ATP10B: variants seen among roughly 807,000 people sequenced by gnomAD.
ATP10B encodes the protein phospholipid-transporting ATPase VB.
In ATP10B, 122 loss-of-function variants were observed where a neutral mutation model predicts 141.2. That is an observed-to-expected ratio of 0.86 (90% CI 0.75 to 1.00). The LOEUF is 1.00. Ranked by LOEUF, ATP10B falls within the 50% of genes least tolerant of loss-of-function variation. ATP10B has a pLI of 0.00. For missense variants in ATP10B, 1,876 were observed against 1,825.3 expected (o/e 1.03, Z -0.51); for synonymous variants, 685 against 692.0 (o/e 0.99, Z 0.16).
intron 2 of ATP10B, among the ~76,000 whole-genome samples, chr5:160,743,621 T>A (rs771878546): frequency 7.9e-5 from 12 of 152,194 alleles, no homozygotes; most frequent in Non-Finnish European, 1.6e-4. Context: ...ACCACTATGA[T>A]CTTGGTCTCA....
chr5:160,902,183 C>A, the ATP10B span, among the ~76,000 whole-genome samples: 1 of 152,154 alleles, frequency 6.6e-6, no homozygotes, highest in Non-Finnish European at 1.5e-5. Flanking sequence ...TTATAGAAGT[C>A]ACTTGCTCTT....
At chr5:160,880,284 T>C in the ATP10B span, among the ~76,000 whole-genome samples, 1 of 147,222 alleles carries the variant, frequency 6.8e-6, no homozygotes, top group Admixed American at 6.8e-5. Flanking sequence ...AAAGAAACTA[T>C]GATGAAAGAA....
intron 2 of ATP10B, among the ~76,000 whole-genome samples, chr5:160,770,231 GCT>G (rs1369340033): frequency 6.7e-6 from 1 of 150,268 alleles, no homozygotes; most frequent in Non-Finnish European, 1.5e-5. Flanking sequence ...GCTTTCTCTG[GCT>G]CTGTTTCTGT....
At chr5:160,579,035 T>C (rs1755377531) in intron 24 of ATP10B, among the ~76,000 whole-genome samples, 1 of 152,210 alleles carries the variant, frequency 6.6e-6, no homozygotes, top group African/African-American at 2.4e-5. Context: ...GGATTGCTTT[T>C]TCTTGTAAAT....
chr5:160,916,197 A>G, the ATP10B span, among the ~76,000 whole-genome samples: 440 of 152,328 alleles, frequency 2.9e-3, 1 homozygote, highest in African/African-American at 0.01. Flanking sequence ...TATGGAATCC[A>G]AGTCTATGTG....
At chr5:160,797,134 G>A (rs1237848942) in intron 1 of ATP10B, among the ~76,000 whole-genome samples, 1 of 151,996 alleles carries the variant, frequency 6.6e-6, no homozygotes, top group African/African-American at 2.4e-5. Context: ...CAGGGCCCAG[G>A]AACCCCTGGC....
intron 6 of ATP10B, among the ~76,000 whole-genome samples, chr5:160,683,455 A>C (rs969897156): frequency 6.6e-6 from 1 of 152,180 alleles, no homozygotes; most frequent in African/African-American, 2.4e-5. Flanking sequence ...CAATTTTCCA[A>C]GTGGAGTTTG....
intron 2 of ATP10B, among the ~76,000 whole-genome samples, chr5:160,726,641 AG>A (rs1322777780): frequency 5.3e-5 from 5 of 93,984 alleles, no homozygotes; most frequent in Non-Finnish European, 1.0e-4. Flanking sequence ...AGAGAGAGCA[AG>A]GGGGTGGGGG....
chr5:160,603,675 G>C, intron 20 of ATP10B: 1 of 407,534 alleles, frequency 2.5e-6, no homozygotes, highest in Non-Finnish European at 4.6e-6. Context: ...TGTTTACACT[G>C]GTGGTGGAAA....
At chr5:160,823,361 G>A (rs1240036049) in intron 1 of ATP10B, among the ~76,000 whole-genome samples, 1 of 151,892 alleles carries the variant, frequency 6.6e-6, no homozygotes, top group Non-Finnish European at 1.5e-5. Flanking sequence ...GACACAGGGA[G>A]GGGAACACAC....
intron 6 of ATP10B, chr5:160,684,854 C>T: frequency 1.4e-6 from 1 of 699,960 alleles, no homozygotes; most frequent in South Asian, 1.5e-5. Context: ...ATGAGGCACT[C>T]TCGGTTATTG....
intron 7 of ATP10B, 37 bp from the exon 8 acceptor site, chr5:160,649,293 G>A: frequency 6.8e-7 from 1 of 1,468,220 alleles, no homozygotes; most frequent in African/African-American, 1.4e-5. Flanking sequence ...TATTAATTCA[G>A]AGGGATCTAG....
At chr5:160,896,033 A>G in the ATP10B span, among the ~76,000 whole-genome samples, 6 of 152,226 alleles carry the variant, frequency 3.9e-5, no homozygotes, top group South Asian at 2.1e-4. Flanking sequence ...AATCTCTGGG[A>G]CACAGCTAAA....
intron 1 of ATP10B, among the ~76,000 whole-genome samples, chr5:160,796,537 A>C (rs998815918): frequency 6.6e-6 from 1 of 151,344 alleles, no homozygotes; most frequent in Non-Finnish European, 1.5e-5. Flanking sequence ...TTCAGGGTAC[A>C]AGGCCCATCA....
At chr5:160,918,615 A>G in the ATP10B span, among the ~76,000 whole-genome samples, 1 of 152,176 alleles carries the variant, frequency 6.6e-6, no homozygotes, top group Non-Finnish European at 1.5e-5. Context: ...CACACTTCAC[A>G]TTTTCTCATT....
intron 2 of ATP10B, among the ~76,000 whole-genome samples, chr5:160,759,624 C>A (rs1048643220): frequency 6.6e-6 from 1 of 152,054 alleles, no homozygotes; most frequent in Admixed American, 6.6e-5. Flanking sequence ...TTATAGACAC[C>A]TATGGCAATA....
intron 1 of ATP10B, among the ~76,000 whole-genome samples, chr5:160,822,395 C>A (rs147142322): frequency 6.6e-6 from 1 of 151,954 alleles, no homozygotes; most frequent in Non-Finnish European, 1.5e-5. Context: ...AAAAGGGAAC[C>A]CTTGTACGCT....
chr5:160,614,402 A>T (rs1410101803), intron 17 of ATP10B: 6 of 152,116 alleles, frequency 3.9e-5, no homozygotes, highest in Non-Finnish European at 8.8e-5. Flanking sequence ...CCGGAGGAAC[A>T]CCTCTCACAG....
chr5:160,591,095 G>C lies in ATP10B; in HGVS notation c.3609C>G (p.Phe1203Leu). 6.2e-7 allele frequency: 1 copy of C among 1,614,080 alleles called. No individual in the cohort carries two copies. Among genetic ancestry groups the C allele is most frequent in the African/African-American group, 1.3e-5 (1 of 75,052 alleles). ...STFWISMVDAFYQSLICFFIP... is the reference protein window; with the variant it reads ...STFWISMVDALYQSLICFFIP... ...TAAAGAAACAGATGAGGCTCTGGTAGAATGCATCCACCATAGAAATCCAGA... is the reference window on the plus strand; with the variant it reads ...TAAAGAAACAGATGAGGCTCTGGTACAATGCATCCACCATAGAAATCCAGA... Residue 1203 changes from phenylalanine to leucine, a missense_variant, in exon 23 of 26, where the codon TTC becomes TTG. Physicochemically the swap from Phe to Leu is conservative, Grantham distance 22 (BLOSUM62 0). Transcript: ENST00000327245.
Sources: gnomAD v4.1 joint callset for allele counts (sites outside exome capture counted in the v4.1 genomes callset) on GRCh38, gnomAD v4.1.1 for gene constraint, MANE v1.5 for transcripts, NCBI Gene and HGNC (gene_info 2026-07-23, HGNC 2026-07-21) for gene names.